CNTN5: variants seen among roughly 807,000 people sequenced by gnomAD.
The protein encoded by CNTN5 is contactin-5.
Under a neutral mutation model 129.1 loss-of-function variants are expected in CNTN5, and 77 were observed. The observed-to-expected ratio is 0.60, with a 90% CI of 0.50 to 0.72. CNTN5 has a LOEUF of 0.72. Ranked by LOEUF, CNTN5 falls within the 30% of genes least tolerant of loss-of-function variation. The pLI, the probability that CNTN5 is intolerant of heterozygous loss-of-function variation, is 0.00. For synonymous variants in CNTN5, 509 were observed against 465.6 expected, an observed-to-expected ratio of 1.09 and a Z score of -1.20; for missense variants, 1,478 against 1,328.8, an observed-to-expected ratio of 1.11 and a Z score of -1.75.
chr11:100,109,328 AG>A (rs1945566457), intron 13 of CNTN5, among the ~76,000 whole-genome samples: 1 of 152,200 alleles, frequency 6.6e-6, no homozygotes. Context: ...CGGGAGGCTG[AG>A]GCAGGCGAAT....
intron 3 of CNTN5, among the ~76,000 whole-genome samples, chr11:99,791,116 T>A (rs2135434725): frequency 6.6e-6 from 1 of 152,134 alleles, no homozygotes; most frequent in East Asian, 1.9e-4. Flanking sequence ...TTGATAGTTT[T>A]TTTTTTTCCT....
chr11:99,173,199 G>A (rs143669952), intron 1 of CNTN5, among the ~76,000 whole-genome samples: 24 of 152,184 alleles, frequency 1.6e-4, no homozygotes, highest in East Asian at 5.8e-4. Flanking sequence ...ATGAGATTTG[G>A]GTGGGGACAC....
intron 9 of CNTN5, among the ~76,000 whole-genome samples, chr11:100,050,672 A>G (rs1237514549): frequency 6.6e-6 from 1 of 151,944 alleles, no homozygotes; most frequent in Non-Finnish European, 1.5e-5. Context: ...ACCTTATAAT[A>G]TACTATCTGC....
chr11:99,214,598 G>C (rs999642423), intron 1 of CNTN5, among the ~76,000 whole-genome samples: 4 of 151,658 alleles, frequency 2.6e-5, no homozygotes, highest in African/African-American at 4.8e-5. Context: ...GAAGAATAAG[G>C]CCCAATTGAC....
chr11:100,354,646 C>T (rs1476083066), intron 24 of CNTN5, among the ~76,000 whole-genome samples: 3 of 151,632 alleles, frequency 2.0e-5, no homozygotes, highest in African/African-American at 7.3e-5. Flanking sequence ...CTATTAAATG[C>T]ATCCTTCAGC....
intron 9 of CNTN5, among the ~76,000 whole-genome samples, chr11:100,010,977 A>T (rs533454239): frequency 6.6e-6 from 1 of 152,126 alleles, no homozygotes; most frequent in South Asian, 2.1e-4. Flanking sequence ...ACAGCTATAG[A>T]TATCTGTCTT....
intron 8 of CNTN5, among the ~76,000 whole-genome samples, chr11:99,999,225 T>C (rs1191164921): frequency 1.2e-4 from 18 of 151,952 alleles, no homozygotes; most frequent in South Asian, 6.2e-4. Context: ...AGGCAACCAA[T>C]AAAATGGGAG....
At chr11:100,103,027 T>C (rs1002014542) in intron 13 of CNTN5, among the ~76,000 whole-genome samples, 2 of 152,180 alleles carry the variant, frequency 1.3e-5, no homozygotes, top group Non-Finnish European at 2.9e-5. Context: ...GTCTCTAAAA[T>C]AACGCACTTG....
chr11:99,271,164 C>T (rs957449436), intron 1 of CNTN5, among the ~76,000 whole-genome samples: 2 of 151,732 alleles, frequency 1.3e-5, no homozygotes, highest in Non-Finnish European at 2.9e-5. Flanking sequence ...TTAATTTGCA[C>T]CTCAGGACAT....
chr11:99,687,642 T>C (rs1009516438), intron 3 of CNTN5, among the ~76,000 whole-genome samples: 5 of 152,166 alleles, frequency 3.3e-5, no homozygotes, highest in Non-Finnish European at 7.4e-5. Flanking sequence ...CCTTAGGCTT[T>C]ATGAAAATGA....
intron 3 of CNTN5, among the ~76,000 whole-genome samples, chr11:99,589,998 G>C (rs533077181): frequency 6.6e-6 from 1 of 152,162 alleles, no homozygotes; most frequent in South Asian, 2.1e-4. Context: ...GATTTACGGA[G>C]AGATTCACTG....
At chr11:99,755,501 T>C (rs1436638233) in intron 3 of CNTN5, among the ~76,000 whole-genome samples, 1 of 152,210 alleles carries the variant, frequency 6.6e-6, no homozygotes, top group Non-Finnish European at 1.5e-5. Context: ...TTTTATATGC[T>C]TATTTGCCAT....
intron 3 of CNTN5, among the ~76,000 whole-genome samples, chr11:99,689,423 A>G (rs1472610144): frequency 1.4e-5 from 2 of 145,936 alleles, no homozygotes; most frequent in Non-Finnish European, 3.0e-5. Flanking sequence ...GCTGCTTGGG[A>G]GGCTGAGGCA....
chr11:99,058,162 G>A (rs774427361), intron 1 of CNTN5, among the ~76,000 whole-genome samples: 88 of 152,146 alleles, frequency 5.8e-4, no homozygotes, highest in Non-Finnish European at 9.1e-4. Flanking sequence ...AGTGAGTTGG[G>A]AAGCCCTGAA....
intron 16 of CNTN5, among the ~76,000 whole-genome samples, chr11:100,255,376 T>C (rs1397088258): frequency 1.3e-5 from 2 of 152,184 alleles, no homozygotes; most frequent in African/African-American, 2.4e-5. Context: ...GATGAGATTT[T>C]TTTTTTGTCT....
intron 2 of CNTN5, among the ~76,000 whole-genome samples, chr11:99,338,247 G>T (rs912627875): frequency 1.3e-5 from 2 of 151,878 alleles, no homozygotes; most frequent in Non-Finnish European, 2.9e-5. Context: ...TTTCCACCCA[G>T]CCTGGTCAAA....
chr11:100,213,493 T>A (rs1949076784), intron 15 of CNTN5, among the ~76,000 whole-genome samples: 1 of 152,154 alleles, frequency 6.6e-6, no homozygotes, highest in Non-Finnish European at 1.5e-5. Context: ...TTTTTGAACA[T>A]TCAATAAATG....
At chr11:99,034,469 G>C (rs1175668613) in intron 1 of CNTN5, among the ~76,000 whole-genome samples, 1 of 151,648 alleles carries the variant, frequency 6.6e-6, no homozygotes, top group Admixed American at 6.6e-5. Flanking sequence ...TCTATTCAGA[G>C]ATTCAACTTC....
chr11:99,323,461 TGTTA>T (rs1185540633), intron 1 of CNTN5, among the ~76,000 whole-genome samples: 1 of 152,198 alleles, frequency 6.6e-6, no homozygotes, highest in Admixed American at 6.5e-5. Flanking sequence ...TCTTTTGCTA[TGTTA>T]GTTCATAATG....
Sources: gnomAD v4.1 joint callset for allele counts (sites outside exome capture counted in the v4.1 genomes callset) on GRCh38, gnomAD v4.1.1 for gene constraint, MANE v1.5 for transcripts, NCBI Gene and HGNC (gene_info 2026-07-23, HGNC 2026-07-21) for gene names.